The following CSMD1 variants were observed in gnomAD, a reference collection of about 807,000 sequenced individuals.
The protein encoded by CSMD1 is CUB and sushi domain-containing protein 1.
Under a neutral mutation model 417.5 loss-of-function variants are expected in CSMD1, and 213 were observed. That is an observed-to-expected ratio of 0.51 (90% CI 0.46 to 0.57). The LOEUF is 0.57. Ranked by LOEUF, CSMD1 falls within the 20% of genes least tolerant of loss-of-function variation. The probability of loss-of-function intolerance (pLI) is 0.00; values close to 1 mark genes in which losing one functional copy is unlikely to be tolerated. For synonymous variants in CSMD1, 2,862 were observed against 1,736.8 expected (o/e 1.65, Z -16.11); for missense variants, 6,923 against 4,529.7 (o/e 1.53, Z -15.17).
intron 5 of CSMD1, among the ~76,000 whole-genome samples, chr8:3,981,836 G>A (rs958870141): frequency 2.6e-5 from 4 of 152,120 alleles, no homozygotes; most frequent in Admixed American, 6.5e-5. Context: ...GTCAGCAGGA[G>A]GGCGTGCACT....
At chr8:3,298,414 G>T (rs1019139297) in intron 25 of CSMD1, among the ~76,000 whole-genome samples, 2 of 152,048 alleles carry the variant, frequency 1.3e-5, no homozygotes, top group African/African-American at 4.8e-5. Flanking sequence ...TGTGAAGATT[G>T]AGGAAATGAA....
chr8:3,122,193 T>G (rs1450972480), intron 41 of CSMD1, among the ~76,000 whole-genome samples: 2 of 152,174 alleles, frequency 1.3e-5, no homozygotes, highest in African/African-American at 4.8e-5. Context: ...CAAGATAAAT[T>G]ACTAGTTATA....
In CSMD1 at chr8:3,343,301, G is replaced by T; in HGVS notation, c.3624C>A (p.Thr1208=). 1 of 1,613,190 alleles carries T rather than the reference G, an allele frequency of 6.2e-7. No homozygotes were observed. The highest frequency in any genetic ancestry group is 8.5e-7 in the Non-Finnish European group (1 of 1,179,208). ...GSDTDQGFQL[T]YTSFDLVKCE... ...AAGTCGTATGTTACTTACTGGTATA[G>T]GTGAGTTGAAAACCTTGGTCGGTGT... Residue 1208 remains threonine (T), a synonymous_variant, in exon 23 of 70, where the codon ACC becomes ACA. Transcript: ENST00000635120.
intron 10 of CSMD1, among the ~76,000 whole-genome samples, chr8:3,570,167 T>A (rs1343296764): frequency 1.3e-5 from 2 of 152,136 alleles, no homozygotes; most frequent in Non-Finnish European, 2.9e-5. Context: ...ACATCATGAG[T>A]TTTAATGGAT....
rs961393309 is a variant in CSMD1, at chr8:3,591,647, G to A, written c.1098-5387C>T. Among the ~76,000 whole-genome samples the A allele has an allele frequency of 3.3e-5, 5 of 152,268 alleles. No individual in the cohort carries two copies. In the South Asian group the frequency reaches 6.3e-4, roughly 19 times the overall value. On this transcript the variant is annotated intron_variant, in intron 8 of 69. Coordinates refer to ENST00000635120, the MANE Select transcript of CSMD1 (RefSeq NM_033225.6). ...CTCTTTTCAACCCACACTGCTCAGC[G>A]TCTACTGAATCTGCTGATGCAACCA...
intron 5 of CSMD1, among the ~76,000 whole-genome samples, chr8:3,831,100 C>G (rs1438648089): frequency 6.6e-6 from 1 of 152,064 alleles, no homozygotes; most frequent in Non-Finnish European, 1.5e-5. Context: ...GTGTCCAATA[C>G]CATTCAGAAT....
chr8:3,737,056 G>T (rs1368204593), intron 6 of CSMD1, among the ~76,000 whole-genome samples: 1 of 152,186 alleles, frequency 6.6e-6, no homozygotes, highest in Admixed American at 6.5e-5. Flanking sequence ...AGTGCTTTAA[G>T]CGGATTTGAA....
intron 12 of CSMD1, among the ~76,000 whole-genome samples, chr8:3,430,250 A>C (rs1814131973): frequency 6.6e-6 from 1 of 152,204 alleles, no homozygotes; most frequent in Non-Finnish European, 1.5e-5. Flanking sequence ...AGATGTTATT[A>C]CATCATTATT....
At chr8:4,050,135 T>C (rs1350032473) in intron 3 of CSMD1, among the ~76,000 whole-genome samples, 3 of 152,146 alleles carry the variant, frequency 2.0e-5, no homozygotes. Flanking sequence ...AGAACACTTC[T>C]CGTCGCAGCA....
intron 1 of CSMD1, among the ~76,000 whole-genome samples, chr8:4,752,480 T>G (rs576320254): frequency 2.0e-5 from 3 of 152,340 alleles, no homozygotes; most frequent in Admixed American, 6.5e-5. Context: ...GAGAGATCTT[T>G]GCTAGTGGCT....
chr8:4,825,019 C>T (rs1799741537), intron 1 of CSMD1, among the ~76,000 whole-genome samples: 1 of 152,052 alleles, frequency 6.6e-6, no homozygotes, highest in East Asian at 1.9e-4. Context: ...GTTTATGACA[C>T]TTAGGTTTTT....
intron 5 of CSMD1, among the ~76,000 whole-genome samples, chr8:3,867,958 G>A (rs990373897): frequency 6.6e-6 from 1 of 151,990 alleles, no homozygotes; most frequent in Non-Finnish European, 1.5e-5. Flanking sequence ...TGTCTTCTCT[G>A]GTGTTTATGT....
At chr8:3,507,870 C>T (rs577851053) in intron 10 of CSMD1, among the ~76,000 whole-genome samples, 6 of 151,836 alleles carry the variant, frequency 4.0e-5, no homozygotes, top group East Asian at 1.9e-4. Context: ...TTTTTTCTTG[C>T]AAATTTGTTT....
At chr8:4,258,732 A>G (rs904925851) in intron 3 of CSMD1, among the ~76,000 whole-genome samples, 11 of 152,022 alleles carry the variant, frequency 7.2e-5, no homozygotes, top group Admixed American at 3.9e-4. Context: ...GAACACAGCA[A>G]TGTATGAGGA....
intron 3 of CSMD1, among the ~76,000 whole-genome samples, chr8:4,035,133 C>T (rs1428585826): frequency 2.0e-5 from 3 of 152,056 alleles, no homozygotes; most frequent in African/African-American, 7.2e-5. Flanking sequence ...AATGATACGA[C>T]TCATATACAA....
At chr8:3,236,091 T>C (rs1259141136) in intron 26 of CSMD1, among the ~76,000 whole-genome samples, 7 of 151,848 alleles carry the variant, frequency 4.6e-5, no homozygotes, top group African/African-American at 1.7e-4. Flanking sequence ...CTAATTTTTT[T>C]GTATTTTTAG....
intron 38 of CSMD1, among the ~76,000 whole-genome samples, chr8:3,159,144 C>T (rs901779222): frequency 1.3e-5 from 2 of 152,132 alleles, no homozygotes; most frequent in African/African-American, 4.8e-5. Flanking sequence ...TACAAATTTC[C>T]TTCTGAAATA....
At chr8:4,796,304 G>C (rs1187958673) in intron 1 of CSMD1, among the ~76,000 whole-genome samples, 2 of 151,964 alleles carry the variant, frequency 1.3e-5, no homozygotes, top group African/African-American at 2.4e-5. Context: ...GCATTCCATG[G>C]AGATGAGATG....
At chr8:3,051,999 G>A (rs953500266) in intron 50 of CSMD1, among the ~76,000 whole-genome samples, 2 of 152,124 alleles carry the variant, frequency 1.3e-5, no homozygotes, top group African/African-American at 2.4e-5. Context: ...ACTGAGCATC[G>A]ATGTGTTATG....
Sources: allele counts gnomAD v4.1 joint callset (sites outside exome capture counted in the v4.1 genomes callset), GRCh38; gene constraint gnomAD v4.1.1; transcripts MANE v1.5; gene names NCBI Gene and HGNC (gene_info 2026-07-23, HGNC 2026-07-21).